DNAH12: variants seen among roughly 807,000 people sequenced by gnomAD.
DNAH12 encodes the protein axonemal beta dynein heavy chain 12.
A neutral mutation model predicts 371.5 loss-of-function variants in DNAH12; 285 were observed. The observed-to-expected ratio is 0.77, with a 90% confidence interval of 0.70 to 0.85. The LOEUF is 0.85. DNAH12 is among the 40% of genes least tolerant of loss of function. The pLI, the probability that DNAH12 is intolerant of heterozygous loss-of-function variation, is 0.00. For missense variants in DNAH12, 3,611 were observed against 3,689.4 expected (o/e 0.98, Z 0.55); for synonymous variants, 1,200 against 1,213.0 (o/e 0.99, Z 0.22).
intron 69 of DNAH12, among the ~76,000 whole-genome samples, chr3:57,305,640 G>A (rs762100527): frequency 5.9e-5 from 9 of 151,994 alleles, no homozygotes; most frequent in East Asian, 1.9e-4. Context: ...CTCATTTGGC[G>A]GCAACCCTGA....
At chr3:57,341,143 T>C (rs6804991) in intron 60 of DNAH12, among the ~76,000 whole-genome samples, 52,958 of 151,516 alleles carry the variant, frequency 0.35, 9,892 homozygotes, top group African/African-American at 0.47. Flanking sequence ...CAATAAAGGC[T>C]ATATAAGACA....
At chr3:57,352,660 A>G (rs2062706977) in intron 59 of DNAH12, among the ~76,000 whole-genome samples, 1 of 152,174 alleles carries the variant, frequency 6.6e-6, no homozygotes, top group Admixed American at 6.5e-5. Flanking sequence ...GTTAATTAAA[A>G]AAAAAAATGC....
chr3:57,545,161 C>CT (rs573945458), upstream of DNAH12, among the ~76,000 whole-genome samples: 274 of 136,560 alleles, frequency 2.0e-3, 2 homozygotes, highest in Admixed American at 3.9e-3. Context: ...AATAATGTGA[C>CT]TTTTTTTTTT....
chr3:57,478,540 C>T (rs2066617341), intron 13 of DNAH12, among the ~76,000 whole-genome samples: 1 of 152,144 alleles, frequency 6.6e-6, no homozygotes, highest in South Asian at 2.1e-4. Context: ...CCTAGCAAGG[C>T]AGGCCAACAT....
At chr3:57,302,035 T>C (rs771950935) in intron 69 of DNAH12, 96 bp from the exon 70 acceptor site, 78 of 1,351,228 alleles carry the variant, frequency 5.8e-5, no homozygotes, top group Non-Finnish European at 7.3e-5. Context: ...CCCAGCTTTA[T>C]GGGATTGCTT....
intron 60 of DNAH12, among the ~76,000 whole-genome samples, chr3:57,340,343 A>G (rs2062364528): frequency 6.6e-6 from 1 of 152,076 alleles, no homozygotes; most frequent in Non-Finnish European, 1.5e-5. Flanking sequence ...CATTGAGACT[A>G]AAAAAATAGA....
intron 69 of DNAH12, among the ~76,000 whole-genome samples, chr3:57,302,777 T>C (rs1366825675): frequency 6.7e-6 from 1 of 148,286 alleles, no homozygotes; most frequent in African/African-American, 2.5e-5. Flanking sequence ...GGTTTCACCA[T>C]GTTGGCCAGG....
At chr3:57,316,973 T>C (rs1014174962) in intron 65 of DNAH12, among the ~76,000 whole-genome samples, 1 of 152,220 alleles carries the variant, frequency 6.6e-6, no homozygotes, top group African/African-American at 2.4e-5. Flanking sequence ...ATAATTTATT[T>C]AATTCATTTG....
chr3:57,458,259 C>T (rs753374424), intron 20 of DNAH12, 39 bp from the exon 21 acceptor site: 8 of 1,514,812 alleles, frequency 5.3e-6, no homozygotes, highest in Non-Finnish European at 7.0e-6. Flanking sequence ...CACTTTTATG[C>T]CAGATATAAT....
At chr3:57,482,841 A>T (rs2066792522) in intron 13 of DNAH12, among the ~76,000 whole-genome samples, 1 of 146,544 alleles carries the variant, frequency 6.8e-6, no homozygotes, top group Non-Finnish European at 1.5e-5. Context: ...TAAACACCGC[A>T]TGTTCTCACT....
chr3:57,369,729 CCT>C (rs1575512422), intron 55 of DNAH12, among the ~76,000 whole-genome samples: 1 of 152,042 alleles, frequency 6.6e-6, no homozygotes, highest in African/African-American at 2.4e-5. Context: ...CTTTCAAGCC[CCT>C]GTTTAAAGAG....
At chr3:57,298,050 G>A (rs2061270030) in intron 70 of DNAH12, among the ~76,000 whole-genome samples, 1 of 152,160 alleles carries the variant, frequency 6.6e-6, no homozygotes, top group Non-Finnish European at 1.5e-5. Flanking sequence ...AATCTGGACT[G>A]GACTAAAGGG....
At chr3:57,367,396 T>C (rs1251157528) in intron 56 of DNAH12, among the ~76,000 whole-genome samples, 1 of 152,200 alleles carries the variant, frequency 6.6e-6, no homozygotes, top group African/African-American at 2.4e-5. Flanking sequence ...TAAGCAATTA[T>C]ACAGCAGGAC....
At chr3:57,360,642 G>C in intron 58 of DNAH12, among the ~76,000 whole-genome samples, 1 of 152,152 alleles carries the variant, frequency 6.6e-6, no homozygotes, top group East Asian at 1.9e-4. Context: ...AGCCAAGATG[G>C]TGCCATTGTA....
At chr3:57,396,304 A>AAACAAAAAAAAAAAAC (rs1483130157) in intron 43 of DNAH12, among the ~76,000 whole-genome samples, 1 of 141,958 alleles carries the variant, frequency 7.0e-6, no homozygotes, top group East Asian at 2.2e-4. Context: ...AAAAAAAAAA[A>AAACAAAAAAAAAAAAC]AAAAAAGAGA....
intron 8 of DNAH12, among the ~76,000 whole-genome samples, chr3:57,505,447 T>G (rs1411853334): frequency 1.3e-5 from 2 of 152,116 alleles, no homozygotes; most frequent in African/African-American, 4.8e-5. Flanking sequence ...TTTTGGTTTT[T>G]GTTTTTGTTT....
In DNAH12 at chr3:57,433,450, C is replaced by T; in HGVS notation, c.4897G>A (p.Asp1633Asn). 6.4e-7 allele frequency: 1 copy of T among 1,551,492 alleles called. No homozygotes were observed. Among genetic ancestry groups the T allele is most frequent in the Non-Finnish European group, 8.7e-7 (1 of 1,146,920 alleles). Residue 1633 changes from aspartate (D) to asparagine (N), a missense_variant, in exon 32 of 74, where the codon GAC (aspartate) becomes AAC (asparagine). Physicochemically the swap from Asp to Asn is conservative, Grantham distance 23. Transcript: ENST00000495027. ...CCATCAAATACAACCCATTTCCGGT[C>T]AGGTGTTTCTGATAAGGCAAATTCT... is the stretch of plus-strand genomic sequence containing the variant. The part of the protein sequence containing the change: ...FREFALSETP[D>N]RKWVVFDGPI...
intron 67 of DNAH12, 127 bp from the exon 68 acceptor site, chr3:57,309,981 T>G (rs1020175337): frequency 2.8e-6 from 2 of 714,066 alleles, no homozygotes; most frequent in Admixed American, 7.0e-5. Flanking sequence ...AATTAATAAT[T>G]AACAGATACA....
At position 57,523,543 on chromosome 3, in the gene DNAH12, T is replaced by C. The variant is rs769465604; in HGVS notation, c.279+40A>G. The C allele has an allele frequency of 1.1e-5, 17 of 1,537,696 alleles. No individual in the cohort carries two copies. The East Asian group carries it at 3.9e-4, about 36-fold the overall frequency. ...TGAAACTACTTTGCAATAATTTCTT[T>C]GAACATTTTCAAACAAGAAATATAA... On this transcript the variant is annotated intron_variant, in intron 4 of 73. Coordinates refer to ENST00000495027, the MANE Select transcript of DNAH12 (RefSeq NM_001366028.2).
Sources: allele counts gnomAD v4.1 joint callset (sites outside exome capture counted in the v4.1 genomes callset), GRCh38; gene constraint gnomAD v4.1.1; transcripts MANE v1.5; gene names NCBI Gene and HGNC (gene_info 2026-07-23, HGNC 2026-07-21).